CDC14A: variants seen among roughly 807,000 people sequenced by gnomAD.
The protein encoded by CDC14A is cell division cycle 14A, also known as dual specificity protein phosphatase CDC14A.
CDC14A carries 53 observed loss-of-function variants against 74.4 expected under a neutral mutation model. The observed-to-expected ratio is 0.71, with a 90% CI of 0.57 to 0.89. The LOEUF (loss-of-function observed/expected upper bound fraction) is 0.89, where lower values mean the gene tolerates loss of function less well. CDC14A is among the 40% of genes least tolerant of loss of function. The pLI, the probability that CDC14A is intolerant of heterozygous loss-of-function variation, is 0.00. For missense variants in CDC14A, 646 were observed against 713.7 expected, an observed-to-expected ratio of 0.91 and a Z score of 1.08; for synonymous variants, 247 against 258.4, an observed-to-expected ratio of 0.96 and a Z score of 0.43.
chr1:100,400,688 A>G (rs1659133955), intron 4 of CDC14A, among the ~76,000 whole-genome samples: 2 of 152,220 alleles, frequency 1.3e-5, no homozygotes, highest in African/African-American at 4.8e-5. Context: ...AAACTCATAC[A>G]GCATTTTCAA....
intron 4 of CDC14A, among the ~76,000 whole-genome samples, chr1:100,404,851 AC>A (rs1557722721): frequency 2.6e-5 from 4 of 151,710 alleles, no homozygotes; most frequent in African/African-American, 4.9e-5. Flanking sequence ...ACAAAACAAA[AC>A]AAAACAAAAC....
At chr1:100,354,774 G>C (rs1306496685) in intron 2 of CDC14A, among the ~76,000 whole-genome samples, 1 of 152,204 alleles carries the variant, frequency 6.6e-6, no homozygotes, top group East Asian at 1.9e-4. Context: ...GCAGATAAAT[G>C]AACATAGTTA....
intron 3 of CDC14A, among the ~76,000 whole-genome samples, chr1:100,379,176 T>C (rs1186229229): frequency 6.6e-6 from 1 of 152,222 alleles, no homozygotes; most frequent in African/African-American, 2.4e-5. Flanking sequence ...GACTCAGTGT[T>C]CTACTTATAG....
chr1:100,390,829 G>C lies in CDC14A; in HGVS notation c.309+5G>C. The C allele has an allele frequency of 6.3e-7, 1 of 1,594,678 alleles. No individual in the cohort carries two copies. The highest frequency in any genetic ancestry group is 8.6e-7 in the Non-Finnish European group (1 of 1,163,292). ...TTTTTGATAGGTGCCTATGCAGTAA[G>C]TACCTTCTTCATGATTATTTTCTAT... On this transcript the variant is annotated splice_donor_5th_base_variant and intron_variant, in intron 4 of 15. Transcript: ENST00000336454.
chr1:100,499,058 G>A lies in CDC14A; in HGVS notation c.1551G>A (p.Leu517=). 6.2e-7 allele frequency: 1 copy of A among 1,614,106 alleles called. No homozygotes were observed. The highest frequency in any genetic ancestry group is 8.5e-7 in the Non-Finnish European group (1 of 1,180,014). ...GFTASPFTNL[L]NGSSQPTTRN... ...CAGCCAGCCCGTTTACCAACCTCTT[G>A]AATGGCAGCTCCCAGCCAACTACCA... Residue 517 remains leucine (L), a synonymous_variant, in exon 15 of 16, where the codon TTG becomes TTA. Coordinates refer to ENST00000336454, the MANE Select transcript of CDC14A (RefSeq NM_003672.4).
At chr1:100,439,621 C>G (rs550072625) in intron 5 of CDC14A, among the ~76,000 whole-genome samples, 1 of 152,240 alleles carries the variant, frequency 6.6e-6, no homozygotes, top group East Asian at 1.9e-4. Flanking sequence ...ATGAGGAGAC[C>G]AAGATTCAGC....
intron 3 of CDC14A, among the ~76,000 whole-genome samples, chr1:100,387,153 C>T (rs1430162622): frequency 6.6e-6 from 1 of 151,796 alleles, no homozygotes; most frequent in Admixed American, 6.6e-5. Context: ...AAACTGTGGG[C>T]CAGGATGACC....
At chr1:100,434,805 A>G (rs1051976144) in intron 5 of CDC14A, among the ~76,000 whole-genome samples, 1 of 152,068 alleles carries the variant, frequency 6.6e-6, no homozygotes, top group Non-Finnish European at 1.5e-5. Flanking sequence ...TCTTTAAGAC[A>G]CCCGAACGGA....
rs544034246 is a variant in CDC14A, at chr1:100,424,416, T to C, written c.389+115T>C. On this transcript the variant is annotated intron_variant, in intron 5 of 15. Coordinates refer to ENST00000336454, the MANE Select transcript of CDC14A (RefSeq NM_003672.4). Reference sequence around the variant, plus strand: ...ATAATAACCATTATGTTATATGGAATGAAATGAGATGGTAGTTTTTATTAT... The same window carrying C: ...ATAATAACCATTATGTTATATGGAACGAAATGAGATGGTAGTTTTTATTAT... 50 of 710,180 alleles carry C rather than the reference T, an allele frequency of 7.0e-5. No homozygotes were observed. In the South Asian group the frequency reaches 7.6e-4, roughly 11 times the overall value. The allele number at this position is 710,180 out of a possible 1,614,324, so 44.0% of individuals were successfully genotyped here.
At chr1:100,390,332 T>A (rs946418636) in intron 3 of CDC14A, among the ~76,000 whole-genome samples, 1 of 152,182 alleles carries the variant, frequency 6.6e-6, no homozygotes, top group African/African-American at 2.4e-5. Flanking sequence ...TTTAAAAAAT[T>A]GTGTTATATG....
chr1:100,450,054 C>T (rs1665976103), intron 7 of CDC14A, among the ~76,000 whole-genome samples: 1 of 151,568 alleles, frequency 6.6e-6, no homozygotes, highest in Admixed American at 6.6e-5. Flanking sequence ...ACACAGATTG[C>T]TAGATGTTTT....
chr1:100,351,722 A>T (rs1442746962), upstream of CDC14A: 8 of 1,549,524 alleles, frequency 5.2e-6, no homozygotes, highest in South Asian at 1.2e-5. Context: ...TTGCGCTCAC[A>T]TTGGCGGCCC....
At chr1:100,437,702 G>A (rs1415814307) in intron 5 of CDC14A, among the ~76,000 whole-genome samples, 1 of 152,142 alleles carries the variant, frequency 6.6e-6, no homozygotes, top group Non-Finnish European at 1.5e-5. Flanking sequence ...TTGTGGCTGT[G>A]ATGGGGTAGG....
chr1:100,375,987 T>C (rs1295233740), intron 2 of CDC14A, among the ~76,000 whole-genome samples: 1 of 152,220 alleles, frequency 6.6e-6, no homozygotes, highest in South Asian at 2.1e-4. Context: ...GATGAGTTCA[T>C]GTCCTTTGTA....
chr1:100,429,891 A>G (rs1395042485), intron 5 of CDC14A, among the ~76,000 whole-genome samples: 1 of 151,850 alleles, frequency 6.6e-6, no homozygotes, highest in Non-Finnish European at 1.5e-5. Context: ...TTAGCTCTGT[A>G]TAACCCAGAA....
chr1:100,360,065 C>T (rs1384584812), intron 2 of CDC14A, among the ~76,000 whole-genome samples: 2 of 150,468 alleles, frequency 1.3e-5, no homozygotes, highest in East Asian at 3.9e-4. Context: ...GCCTCAGCCT[C>T]CTGAGTAGCT....
chr1:100,444,845 A>G (rs1253664054), intron 7 of CDC14A, among the ~76,000 whole-genome samples: 1 of 152,232 alleles, frequency 6.6e-6, no homozygotes, highest in African/African-American at 2.4e-5. Context: ...AAAAACATAT[A>G]CTTTGTTCTT....
chr1:100,390,483 C>T (rs1657543234), intron 3 of CDC14A, among the ~76,000 whole-genome samples: 1 of 152,088 alleles, frequency 6.6e-6, no homozygotes, highest in African/African-American at 2.4e-5. Context: ...AATTATTTTC[C>T]ACCATATTAG....
At chr1:100,482,870 C>T (rs1175699248) in intron 10 of CDC14A, among the ~76,000 whole-genome samples, 1 of 151,950 alleles carries the variant, frequency 6.6e-6, no homozygotes, top group Non-Finnish European at 1.5e-5. Flanking sequence ...AGTACATGTG[C>T]ACAACGTGCA....
Sources: gnomAD v4.1 joint callset for allele counts (sites outside exome capture counted in the v4.1 genomes callset) on GRCh38, gnomAD v4.1.1 for gene constraint, MANE v1.5 for transcripts, NCBI Gene and HGNC (gene_info 2026-07-23, HGNC 2026-07-21) for gene names.